Variants in IMMP2L observed in about 807,000 individuals in gnomAD.
IMMP2L encodes inner mitochondrial membrane peptidase subunit 2.
Under a neutral mutation model 19.3 loss-of-function variants are expected in IMMP2L, and 18 were observed. The observed-to-expected ratio is 0.93, with a 90% CI of 0.64 to 1.38. The LOEUF is 1.38. Ranked by LOEUF, IMMP2L falls within the 40% of genes most tolerant of loss-of-function variation. IMMP2L has a pLI of 0.00. For missense variants in IMMP2L, 233 were observed against 218.2 expected (o/e 1.07, Z -0.43); for synonymous variants, 76 against 73.0 (o/e 1.04, Z -0.21).
At chr7:110,691,014 A>C (rs191455251) in intron 5 of IMMP2L, among the ~76,000 whole-genome samples, 16 of 152,218 alleles carry the variant, frequency 1.1e-4, no homozygotes, top group Admixed American at 9.8e-4. Context: ...AATAGCCATA[A>C]CAATCCTAAA....
intron 3 of IMMP2L, among the ~76,000 whole-genome samples, chr7:111,173,724 T>C (rs571762212): frequency 1.3e-5 from 2 of 151,752 alleles, no homozygotes; most frequent in South Asian, 4.1e-4. Flanking sequence ...GGGTGTTTCT[T>C]ATATTATCAG....
chr7:110,975,411 C>G (rs182496708), intron 3 of IMMP2L, among the ~76,000 whole-genome samples: 1 of 152,178 alleles, frequency 6.6e-6, no homozygotes, highest in African/African-American at 2.4e-5. Flanking sequence ...GTGTACTTGA[C>G]CTCCTGCCTG....
At chr7:110,968,755 G>A (rs917831426) in intron 3 of IMMP2L, among the ~76,000 whole-genome samples, 2 of 152,118 alleles carry the variant, frequency 1.3e-5, no homozygotes, top group African/African-American at 4.8e-5. Context: ...GTACCTGAGG[G>A]CATATGAGTC....
intron 3 of IMMP2L, among the ~76,000 whole-genome samples, chr7:111,073,982 G>C (rs1362459054): frequency 6.6e-6 from 1 of 152,112 alleles, no homozygotes; most frequent in Non-Finnish European, 1.5e-5. Context: ...CAGAACCCAG[G>C]ACAATGTCCA....
intron 3 of IMMP2L, among the ~76,000 whole-genome samples, chr7:110,996,889 A>AGT (rs377150073): frequency 6.6e-6 from 1 of 151,878 alleles, no homozygotes; most frequent in African/African-American, 2.4e-5. Flanking sequence ...GTTAGTTGTG[A>AGT]GTGTGTGTGT....
intron 3 of IMMP2L, among the ~76,000 whole-genome samples, chr7:111,227,238 A>G (rs1441474037): frequency 6.6e-6 from 1 of 151,816 alleles, no homozygotes; most frequent in Non-Finnish European, 1.5e-5. Context: ...ACCCACACAC[A>G]TTTCTCACAC....
At chr7:111,155,764 T>C (rs1036872118) in intron 3 of IMMP2L, among the ~76,000 whole-genome samples, 1 of 152,058 alleles carries the variant, frequency 6.6e-6, no homozygotes, top group Non-Finnish European at 1.5e-5. Context: ...TTGCATAACA[T>C]AGATATTGTA....
At chr7:110,997,075 C>A (rs550719393) in intron 3 of IMMP2L, among the ~76,000 whole-genome samples, 2 of 152,048 alleles carry the variant, frequency 1.3e-5, no homozygotes, top group Admixed American at 6.6e-5. Context: ...CCCTCTCCCC[C>A]ACCTCTATTA....
At chr7:110,903,232 G>A (rs538748950) in intron 4 of IMMP2L, among the ~76,000 whole-genome samples, 1 of 152,210 alleles carries the variant, frequency 6.6e-6, no homozygotes, top group East Asian at 1.9e-4. Flanking sequence ...TATTTCTTTT[G>A]GGTAAATTTT....
chr7:111,302,431 GAAT>G (rs1384900064), intron 3 of IMMP2L, among the ~76,000 whole-genome samples: 2 of 152,088 alleles, frequency 1.3e-5, no homozygotes, highest in African/African-American at 2.4e-5. Context: ...AGTGTGGCAT[GAAT>G]AATAATAAGT....
intron 3 of IMMP2L, among the ~76,000 whole-genome samples, chr7:111,458,275 A>G (rs1839846961): frequency 6.6e-6 from 1 of 152,016 alleles, no homozygotes; most frequent in Non-Finnish European, 1.5e-5. Flanking sequence ...GCTACTCAGG[A>G]GGCTGAGGCA....
intron 4 of IMMP2L, among the ~76,000 whole-genome samples, chr7:110,894,774 A>G (rs1811154726): frequency 6.6e-6 from 1 of 152,136 alleles, no homozygotes; most frequent in Admixed American, 6.5e-5. Flanking sequence ...TTATTGCTTA[A>G]CCCAAAAATC....
chr7:110,845,411 T>A (rs1268623082), intron 5 of IMMP2L, among the ~76,000 whole-genome samples: 5 of 152,190 alleles, frequency 3.3e-5, no homozygotes, highest in Admixed American at 3.3e-4. Flanking sequence ...AGCTCCCAGC[T>A]GAGTCCTCTC....
intron 3 of IMMP2L, among the ~76,000 whole-genome samples, chr7:111,388,478 A>G (rs1243921294): frequency 6.6e-6 from 1 of 151,954 alleles, no homozygotes; most frequent in Non-Finnish European, 1.5e-5. Flanking sequence ...ATAGATGGAG[A>G]TGTATATGTA....
At chr7:111,507,044 T>C (rs1268022211) in intron 2 of IMMP2L, among the ~76,000 whole-genome samples, 1 of 151,998 alleles carries the variant, frequency 6.6e-6, no homozygotes, top group Non-Finnish European at 1.5e-5. Flanking sequence ...GTTTCGCCAG[T>C]TGCCCAGGTT....
chr7:110,752,084 G>A (rs1044392738), intron 5 of IMMP2L, among the ~76,000 whole-genome samples: 1 of 152,028 alleles, frequency 6.6e-6, no homozygotes, highest in Non-Finnish European at 1.5e-5. Flanking sequence ...GTTTGTCCAA[G>A]TTTGAGAACC....
chr7:111,543,461 T>C (rs1451779779), intron 1 of IMMP2L, among the ~76,000 whole-genome samples: 4 of 152,148 alleles, frequency 2.6e-5, no homozygotes, highest in Admixed American at 6.5e-5. Context: ...AGAAATGAGA[T>C]AAGCCTTCTC....
At chr7:111,539,200 A>AGG (rs1404178837) in intron 1 of IMMP2L, among the ~76,000 whole-genome samples, 4,225 of 17,620 alleles carry the variant, frequency 0.24, 561 homozygotes, top group Middle Eastern at 0.32. Context: ...AGGAGGGAGA[A>AGG]AGAAAGAAAG....
At chr7:111,413,295 T>C (rs556467010) in intron 3 of IMMP2L, among the ~76,000 whole-genome samples, 1 of 152,234 alleles carries the variant, frequency 6.6e-6, no homozygotes, top group East Asian at 1.9e-4. Context: ...TAAGGAAGAA[T>C]TAAACCCTAT....
Sources: allele counts gnomAD v4.1 joint callset (sites outside exome capture counted in the v4.1 genomes callset), GRCh38; gene constraint gnomAD v4.1.1; transcripts MANE v1.5; gene names NCBI Gene and HGNC (gene_info 2026-07-23, HGNC 2026-07-21).